Variants in CCDC7 observed in about 807,000 individuals in gnomAD.
CCDC7 encodes coiled-coil domain containing 7, also known as coiled-coil domain-containing protein 7.
A neutral mutation model predicts 196.9 loss-of-function variants in CCDC7; 183 were observed. The ratio of observed to expected loss-of-function variants is 0.93; its 90% CI spans 0.82 to 1.05. The LOEUF is 1.05. Ranked by LOEUF, CCDC7 falls within the 50% of genes least tolerant of loss-of-function variation. CCDC7 has a pLI of 0.00. For synonymous variants in CCDC7, 525 were observed against 484.6 expected (o/e 1.08, Z -1.10); for missense variants, 1,540 against 1,482.2 (o/e 1.04, Z -0.64).
chr10:32,544,299 C>T lies in CCDC7; in HGVS notation c.1132C>T (p.Gln378Ter), dbSNP rs754860537. The T allele has an allele frequency of 1.9e-5, 30 of 1,608,932 alleles. No individual in the cohort carries two copies. Among genetic ancestry groups the T allele is most frequent in the Non-Finnish European group, 2.3e-5 (27 of 1,177,486 alleles). Residue 378 changes from glutamine to a stop codon, truncating the protein, a stop_gained and splice_region_variant, in exon 13 of 42, where the codon CAG becomes TAG. Coordinates refer to ENST00000639629, the Ensembl canonical transcript of CCDC7. LOFTEE classifies it high-confidence loss of function. The stretch of plus-strand genomic sequence containing the variant: ...AATAAAAGAAGATTTGGATCAAGTA[C>T]AGGTAACACACCCACTCTCTCTATG...
intron 20 of CCDC7, among the ~76,000 whole-genome samples, chr10:32,645,163 T>C (rs2067536374): frequency 6.6e-6 from 1 of 152,210 alleles, no homozygotes; most frequent in Admixed American, 6.5e-5. Flanking sequence ...ACTTTATCCA[T>C]GTCAGAATGG....
At chr10:32,876,425 C>T, downstream of CCDC7, 1 of 1,583,698 alleles carries the variant, frequency 6.3e-7, no homozygotes, top group South Asian at 1.1e-5. Context: ...AGATAAGCAA[C>T]ATGACAAATT....
chr10:32,527,635 CTT>C (rs1348324425), intron 11 of CCDC7, among the ~76,000 whole-genome samples: 3 of 152,274 alleles, frequency 2.0e-5, no homozygotes, highest in Admixed American at 6.5e-5. Context: ...CAATGAATGA[CTT>C]TACCTTCTCT....
chr10:32,851,926 C>T (rs1199807666), exon 40 of CCDC7: 6 of 1,587,762 alleles, frequency 3.8e-6, no homozygotes, highest in South Asian at 1.2e-5. Context: ...GAATCAACTC[C>T]CTTCAGGTAA....
At chr10:32,518,560 T>TG in intron 11 of CCDC7, 55 bp downstream of exon 12, 1 of 1,392,610 alleles carries the variant, frequency 7.2e-7, no homozygotes, top group Non-Finnish European at 9.7e-7. Flanking sequence ...GCTTATTATG[T>TG]TAGGATAGAA....
intron 28 of CCDC7, among the ~76,000 whole-genome samples, chr10:32,741,513 T>C (rs377041932): frequency 1.2e-4 from 18 of 152,288 alleles, no homozygotes; most frequent in Middle Eastern, 3.4e-3. Context: ...GTGGAACTTG[T>C]ATATGAAAAG....
intron 41 of CCDC7, among the ~76,000 whole-genome samples, chr10:32,871,969 T>G (rs2094447052): frequency 6.6e-6 from 1 of 152,160 alleles, no homozygotes; most frequent in South Asian, 2.1e-4. Flanking sequence ...TGAGAGACAG[T>G]TTGTTATAAT....
chr10:32,762,252 T>C (rs1424202785), intron 28 of CCDC7, among the ~76,000 whole-genome samples: 1 of 151,824 alleles, frequency 6.6e-6, no homozygotes, highest in Non-Finnish European at 1.5e-5. Flanking sequence ...TGAGTTTGCC[T>C]GGAGAAGAGA....
intron 28 of CCDC7, among the ~76,000 whole-genome samples, chr10:32,777,703 A>C (rs1322521611): frequency 7.3e-6 from 1 of 136,418 alleles, no homozygotes; most frequent in East Asian, 2.0e-4. Flanking sequence ...CTAAAAATAC[A>C]AAAAAAAAAA....
At chr10:32,842,144 A>G (rs1293548974) in intron 33 of CCDC7, among the ~76,000 whole-genome samples, 1 of 152,136 alleles carries the variant, frequency 6.6e-6, no homozygotes, top group Non-Finnish European at 1.5e-5. Context: ...AAAAGAAATT[A>G]TCAGCAGAGT....
chr10:32,625,336 GCTCTCTAAC>G (rs1564865610), intron 18 of CCDC7, among the ~76,000 whole-genome samples: 1 of 150,940 alleles, frequency 6.6e-6, no homozygotes, highest in Non-Finnish European at 1.5e-5. Flanking sequence ...TTATTACTGG[GCTCTCTAAC>G]CTATTTGTTT....
rs201247028 is a variant in CCDC7 at position 32,566,909 on chromosome 10, AATTATAT to A, written c.1198-751_1198-745del. Reference sequence around the variant, plus strand: ...GCTAATATATATATTAGCTATGTATAATTATATATTATATATATTATAATATGTATTA... The same window carrying A: ...GCTAATATATATATTAGCTATGTATAATTATATATATTATAATATGTATTA... On this transcript the variant is annotated intron_variant, in intron 14 of 41. Transcript: ENST00000639629. Among the ~76,000 whole-genome samples, 1,032 of 146,950 alleles carry A rather than the reference AATTATAT, an allele frequency of 7.0e-3. 12 individuals are homozygous for A. The highest frequency in any genetic ancestry group is 0.024 in the African/African-American group (982 of 40,308).
intron 28 of CCDC7, among the ~76,000 whole-genome samples, chr10:32,775,673 G>A (rs909999044): frequency 2.6e-5 from 4 of 152,030 alleles, no homozygotes; most frequent in Admixed American, 2.6e-4. Context: ...CCCTTAAATT[G>A]CACCCATATA....
intron 24 of CCDC7, among the ~76,000 whole-genome samples, chr10:32,711,128 A>ATC (rs1284219237): frequency 6.8e-6 from 1 of 146,010 alleles, no homozygotes; most frequent in African/African-American, 2.6e-5. Flanking sequence ...GTGTGTGTGT[A>ATC]TATATATATA....
In CCDC7 at chr10:32,453,451, C is replaced by T. The variant is rs776140167; in HGVS notation, c.372+15C>T. 15 of 1,469,360 alleles carry T rather than the reference C, an allele frequency of 1.0e-5. No individual in the cohort carries two copies. The Admixed American group carries it at 1.6e-4, about 16-fold the overall frequency. The allele number at this position is 1,469,360 out of a possible 1,614,324, so 91.0% of individuals were successfully genotyped here. ...TATCTTTATCTGTAAGTATATGCAACCCTAATATAGAGACATTAACACTGA... is the reference window on the plus strand; with the variant it reads ...TATCTTTATCTGTAAGTATATGCAATCCTAATATAGAGACATTAACACTGA... On this transcript the variant is annotated intron_variant, in intron 2 of 41. Coordinates refer to ENST00000639629, the Ensembl canonical transcript of CCDC7.
intron 22 of CCDC7, among the ~76,000 whole-genome samples, chr10:32,686,482 A>G (rs1255495843): frequency 1.3e-5 from 2 of 152,226 alleles, no homozygotes; most frequent in African/African-American, 2.4e-5. Flanking sequence ...TCAAATAAAG[A>G]TCAGAGGAGC....
intron 1 of CCDC7, among the ~76,000 whole-genome samples, chr10:32,452,728 G>A (rs2133374958): frequency 6.6e-6 from 1 of 152,220 alleles, no homozygotes; most frequent in South Asian, 2.1e-4. Context: ...AAAGTGCTGG[G>A]ATTACAGGCA....
chr10:32,755,078 C>CT (rs2076214114), intron 28 of CCDC7, among the ~76,000 whole-genome samples: 2 of 152,158 alleles, frequency 1.3e-5, no homozygotes, highest in African/African-American at 4.8e-5. Context: ...GAGGGGCATC[C>CT]ACCATTGCTG....
At chr10:32,484,083 G>C (rs1306983170) in intron 8 of CCDC7, among the ~76,000 whole-genome samples, 1 of 152,114 alleles carries the variant, frequency 6.6e-6, no homozygotes, top group African/African-American at 2.4e-5. Context: ...AAATTACCTT[G>C]GGCAGTATGG....
Sources: gnomAD v4.1 joint callset for allele counts (sites outside exome capture counted in the v4.1 genomes callset) on GRCh38, gnomAD v4.1.1 for gene constraint, MANE v1.5 for transcripts, NCBI Gene and HGNC (gene_info 2026-07-23, HGNC 2026-07-21) for gene names.